The following TNIK variants were observed in gnomAD, a reference collection of about 807,000 sequenced individuals.
TNIK encodes TRAF2 and NCK-interacting protein kinase.
In TNIK, 49 loss-of-function variants were observed where a neutral mutation model predicts 191.3. The ratio of observed to expected loss-of-function variants is 0.26; its 90% CI spans 0.20 to 0.32. The LOEUF is 0.32. TNIK is among the 10% of genes least tolerant of loss of function. TNIK has a pLI of 1.00. For synonymous variants in TNIK, 594 were observed against 600.9 expected (o/e 0.99, Z 0.17); for missense variants, 1,155 against 1,702.3 (o/e 0.68, Z 5.66).
At position 171,066,857 on chromosome 3, in the gene TNIK, A is replaced by T. The variant is rs1050495024; in HGVS notation, c.3700-122T>A. 13 of 1,212,820 alleles carry T rather than the reference A, an allele frequency of 1.1e-5. No individual in the cohort carries two copies. In the Admixed American group the frequency reaches 1.2e-4, roughly 11 times the overall value. 75.1% of individuals were successfully genotyped at this position (1,212,820 alleles called of 1,614,324 possible). On this transcript the variant is annotated intron_variant, in intron 30 of 32. Coordinates refer to ENST00000436636, the MANE Select transcript of TNIK (RefSeq NM_015028.4). ...TTTCATTGTCACCCTAAAGACTGAA[A>T]TTTGCTTTAATTTAACCACTGACTT... is the stretch of plus-strand genomic sequence containing the variant.
intron 23 of TNIK, among the ~76,000 whole-genome samples, chr3:171,092,850 G>C (rs1027655935): frequency 3.9e-5 from 6 of 152,188 alleles, no homozygotes; most frequent in Admixed American, 6.5e-5. Flanking sequence ...ACTCTGTCCT[G>C]GCTGAAGAGG....
chr3:171,418,920 AG>A (rs1201598458), intron 1 of TNIK, among the ~76,000 whole-genome samples: 1 of 152,148 alleles, frequency 6.6e-6, no homozygotes, highest in Non-Finnish European at 1.5e-5. Context: ...TAGAAATCCC[AG>A]ATTGAGGTCC....
At chr3:171,125,428 C>CT (rs895350666) in intron 17 of TNIK, among the ~76,000 whole-genome samples, 1 of 152,174 alleles carries the variant, frequency 6.6e-6, no homozygotes, top group African/African-American at 2.4e-5. Context: ...CTAGAAAGAG[C>CT]TTTCCTTAAA....
intron 23 of TNIK, among the ~76,000 whole-genome samples, chr3:171,093,345 C>A (rs991141575): frequency 1.1e-4 from 17 of 152,220 alleles, no homozygotes; most frequent in Non-Finnish European, 2.2e-4. Flanking sequence ...CTGCCTATTT[C>A]TTTGTTATTT....
chr3:171,074,116 A>G (rs775750050), intron 28 of TNIK, among the ~76,000 whole-genome samples: 2 of 152,090 alleles, frequency 1.3e-5, no homozygotes, highest in Non-Finnish European at 2.9e-5. Context: ...CATGGTATCA[A>G]GTTGTCCATC....
At chr3:171,219,952 T>C (rs1742076111) in intron 3 of TNIK, among the ~76,000 whole-genome samples, 2 of 152,204 alleles carry the variant, frequency 1.3e-5, no homozygotes, top group Non-Finnish European at 2.9e-5. Flanking sequence ...TGTATGTTTA[T>C]TGTGGCACTG....
chr3:171,435,796 A>T lies in TNIK; in HGVS notation c.57+24211T>A, dbSNP rs891110141. On this transcript the variant is annotated intron_variant, in intron 1 of 32. Coordinates refer to ENST00000436636, the MANE Select transcript of TNIK (RefSeq NM_015028.4). Reference sequence around the variant, plus strand: ...GTTTTTCATACAAAGCAAGAAACACACATTATTGCTTATTAATAAATAATA... The same window carrying T: ...GTTTTTCATACAAAGCAAGAAACACTCATTATTGCTTATTAATAAATAATA... 3.3e-5 allele frequency among the ~76,000 whole-genome samples: 5 copies of T among 152,356 alleles called. No individual in the cohort carries two copies. In the East Asian group the frequency reaches 9.6e-4, roughly 29 times the overall value.
chr3:171,265,770 A>C (rs937178697), intron 2 of TNIK, among the ~76,000 whole-genome samples: 2 of 152,248 alleles, frequency 1.3e-5, no homozygotes, highest in Admixed American at 6.5e-5. Flanking sequence ...GGAAAGTGGA[A>C]TCTTAAAAAG....
chr3:171,279,259 T>A (rs1160947051), intron 2 of TNIK, among the ~76,000 whole-genome samples: 2 of 152,172 alleles, frequency 1.3e-5, no homozygotes, highest in Non-Finnish European at 2.9e-5. Flanking sequence ...TTTAATGAGA[T>A]CCTCCTATAA....
intron 19 of TNIK, among the ~76,000 whole-genome samples, chr3:171,110,270 A>G (rs548250572): frequency 5.3e-5 from 8 of 152,324 alleles, no homozygotes; most frequent in African/African-American, 1.9e-4. Flanking sequence ...ATTAGTCTTT[A>G]CTGAATTTCA....
At chr3:171,150,541 A>G (rs959125003) in intron 12 of TNIK, among the ~76,000 whole-genome samples, 4 of 152,224 alleles carry the variant, frequency 2.6e-5, no homozygotes, top group African/African-American at 9.6e-5. Context: ...ATGAAATTTC[A>G]TGCAGCCACT....
chr3:171,096,771 A>G (rs542148220), intron 22 of TNIK, among the ~76,000 whole-genome samples: 47 of 152,288 alleles, frequency 3.1e-4, no homozygotes, highest in Admixed American at 2.5e-3. Flanking sequence ...TGGTATTTTC[A>G]GTGCCAAGCA....
At chr3:171,450,906 G>A (rs1434728962) in intron 1 of TNIK, among the ~76,000 whole-genome samples, 1 of 152,140 alleles carries the variant, frequency 6.6e-6, no homozygotes, top group Non-Finnish European at 1.5e-5. Context: ...GGCTCCAGTT[G>A]GGACAGCCAG....
Position 171,179,745 on chromosome 3 carries a change from C to T in TNIK, c.640-2365G>A, listed in dbSNP as rs1171398712. 5.9e-5 allele frequency among the ~76,000 whole-genome samples: 9 copies of T among 152,120 alleles called. No individual in the cohort carries two copies. In the East Asian group the frequency reaches 7.7e-4, roughly 13 times the overall value. On this transcript the variant is annotated intron_variant, in intron 7 of 32. Transcript: ENST00000436636. Reference sequence around the variant, plus strand: ...GATTACAGGCATGAGCCACCGTGCCCGGCCTGTACCTGGGGTTTTATGGTT... The same window carrying T: ...GATTACAGGCATGAGCCACCGTGCCTGGCCTGTACCTGGGGTTTTATGGTT...
intron 1 of TNIK, among the ~76,000 whole-genome samples, chr3:171,424,563 G>A (rs1319685944): frequency 2.6e-5 from 4 of 152,116 alleles, no homozygotes; most frequent in Non-Finnish European, 5.9e-5. Flanking sequence ...ATTCACAATA[G>A]CAAAGGCTTG....
At chr3:171,188,414 C>T (rs1335534257) in intron 7 of TNIK, among the ~76,000 whole-genome samples, 2 of 151,948 alleles carry the variant, frequency 1.3e-5, no homozygotes, top group Non-Finnish European at 2.9e-5. Context: ...AAATGGAAAT[C>T]CAATCTATTT....
intron 2 of TNIK, among the ~76,000 whole-genome samples, chr3:171,354,270 G>A (rs1172010498): frequency 6.6e-6 from 1 of 152,070 alleles, no homozygotes; most frequent in African/African-American, 2.4e-5. Flanking sequence ...TTGTAAAAAG[G>A]GGATTTTCTC....
chr3:171,245,483 A>G (rs1256976279), intron 2 of TNIK, among the ~76,000 whole-genome samples: 2 of 152,122 alleles, frequency 1.3e-5, no homozygotes, highest in Non-Finnish European at 2.9e-5. Flanking sequence ...TTTAAATTTT[A>G]TTATAAAGTA....
rs754930121 is a variant in TNIK, at chr3:171,108,112, C to T, written c.2335G>A (p.Val779Met). 3.2e-6 allele frequency: 5 copies of T among 1,578,818 alleles called. No homozygotes were observed. The highest frequency in any genetic ancestry group is 1.2e-5 in the South Asian group (1 of 85,696). The change falls in exon 20 of 33, where the codon GTG becomes ATG. Residue 779 changes from valine (V) to methionine (M), a missense_variant. Around this residue, in one of 3 missense-constraint regions of TNIK, gnomAD observed 735 missense variants for 848.0 expected, o/e 0.87. Coordinates refer to ENST00000436636, the MANE Select transcript of TNIK (RefSeq NM_015028.4). Reference protein sequence around the residue: ...SPVLPHEPAKVKPEESRDITR... With the variant: ...SPVLPHEPAKMKPEESRDITR... The stretch of plus-strand genomic sequence containing the variant: ...ATGTCCCTGGATTCTTCTGGTTTCA[C>T]CTTCGCAGGCTCATGGGGGAGCACA...
Sources: allele counts gnomAD v4.1 joint callset (sites outside exome capture counted in the v4.1 genomes callset), GRCh38; gene constraint gnomAD v4.1.1; regional missense constraint gnomAD v4.1.1; transcripts MANE v1.5; gene names NCBI Gene and HGNC (gene_info 2026-07-23, HGNC 2026-07-21).